The following CDKAL1 variants were observed in gnomAD, a reference collection of about 807,000 sequenced individuals.
The protein encoded by CDKAL1 is threonylcarbamoyladenosine tRNA methylthiotransferase.
CDKAL1 carries 32 observed loss-of-function variants against 68.2 expected under a neutral mutation model. That is an observed-to-expected ratio of 0.47 (90% CI 0.35 to 0.63). The LOEUF is 0.63. Among genes scored for constraint, CDKAL1 ranks in the 30% least tolerant of loss-of-function variants. The pLI, the probability that CDKAL1 is intolerant of heterozygous loss-of-function variation, is 0.00. For missense variants in CDKAL1, 606 were observed against 696.7 expected, an observed-to-expected ratio of 0.87 and a Z score of 1.47; for synonymous variants, 234 against 244.3, an observed-to-expected ratio of 0.96 and a Z score of 0.39.
intron 9 of CDKAL1, among the ~76,000 whole-genome samples, chr6:20,952,162 G>A (rs1405237791): frequency 6.6e-6 from 1 of 151,936 alleles, no homozygotes; most frequent in Non-Finnish European, 1.5e-5. Flanking sequence ...GTTTCACCGT[G>A]TTAGCCAGGA....
intron 4 of CDKAL1, among the ~76,000 whole-genome samples, chr6:20,645,655 C>T (rs1036064783): frequency 3.3e-5 from 5 of 151,514 alleles, no homozygotes; most frequent in African/African-American, 7.3e-5. Context: ...CACTTGGGCC[C>T]GGGAGGCGGA....
chr6:21,185,988 T>G (rs2151091457), intron 13 of CDKAL1, among the ~76,000 whole-genome samples: 1 of 151,392 alleles, frequency 6.6e-6, no homozygotes, highest in African/African-American at 2.4e-5. Flanking sequence ...CTCTTTCCCC[T>G]GCAGCCTGAA....
At chr6:20,932,880 C>T (rs569217825) in intron 9 of CDKAL1, among the ~76,000 whole-genome samples, 28 of 152,082 alleles carry the variant, frequency 1.8e-4, no homozygotes, top group Admixed American at 1.3e-4. Context: ...TATATGTTTG[C>T]TATGGAGCCA....
chr6:20,609,816 C>G (rs1354687521), intron 4 of CDKAL1, among the ~76,000 whole-genome samples: 1 of 151,898 alleles, frequency 6.6e-6, no homozygotes, highest in Non-Finnish European at 1.5e-5. Context: ...GGTACAAGTG[C>G]AGGTTTGTTA....
intron 4 of CDKAL1, among the ~76,000 whole-genome samples, chr6:20,570,293 G>T (rs1394893693): frequency 2.0e-5 from 3 of 148,086 alleles, no homozygotes; most frequent in Non-Finnish European, 4.5e-5. Context: ...TAGTAGAGAC[G>T]GAGTTTCACC....
chr6:21,168,833 G>C (rs184277640), intron 13 of CDKAL1, among the ~76,000 whole-genome samples: 1 of 152,156 alleles, frequency 6.6e-6, no homozygotes, highest in Admixed American at 6.5e-5. Flanking sequence ...CTTTTAATTC[G>C]CATCTATCTC....
In CDKAL1 at chr6:20,716,830, G is replaced by C. The variant is rs118083802; in HGVS notation, c.372-22689G>C. Among the ~76,000 whole-genome samples the C allele has an allele frequency of 2.4e-3, 358 of 151,928 alleles. 12 individuals carry two copies. The East Asian group carries it at 0.064, about 27-fold the overall frequency. ...TTGGGAATCATGTGCTGTAGATGGT[G>C]TGTAAATCCATGGGACTGCAGAAGA... is the stretch of plus-strand genomic sequence containing the variant. On this transcript the variant is annotated intron_variant, in intron 5 of 15. Transcript: ENST00000274695.
At chr6:21,003,369 T>TACACACACACACACACAC (rs1292656062) in intron 11 of CDKAL1, among the ~76,000 whole-genome samples, 40 of 46,604 alleles carry the variant, frequency 8.6e-4, no homozygotes, top group African/African-American at 3.2e-3. Context: ...TATATATATA[T>TACACACACACACACACAC]ATACACACAC....
chr6:20,814,258 T>C (rs1776947394), intron 8 of CDKAL1, among the ~76,000 whole-genome samples: 1 of 152,292 alleles, frequency 6.6e-6, no homozygotes, highest in Middle Eastern at 3.4e-3. Flanking sequence ...TTTTTTTTAA[T>C]GTTAACATTG....
At chr6:20,945,920 T>C (rs1237105349) in intron 9 of CDKAL1, among the ~76,000 whole-genome samples, 1 of 152,232 alleles carries the variant, frequency 6.6e-6, no homozygotes, top group Non-Finnish European at 1.5e-5. Flanking sequence ...TCTGAAAGAC[T>C]GGACAGTTAC....
chr6:20,976,311 T>C (rs183482102), intron 10 of CDKAL1, among the ~76,000 whole-genome samples: 1 of 152,324 alleles, frequency 6.6e-6, no homozygotes, highest in East Asian at 1.9e-4. Flanking sequence ...TAAAATGTAT[T>C]CTTTGTTAAG....
intron 11 of CDKAL1, among the ~76,000 whole-genome samples, chr6:21,041,602 C>CTTTTT (rs61519451): frequency 7.2e-6 from 1 of 138,052 alleles, no homozygotes; most frequent in East Asian, 2.1e-4. Flanking sequence ...CTCTGAAAAT[C>CTTTTT]TTTTTTTTTT....
intron 5 of CDKAL1, among the ~76,000 whole-genome samples, chr6:20,709,168 C>T (rs1200206469): frequency 6.6e-6 from 1 of 151,992 alleles, no homozygotes; most frequent in Non-Finnish European, 1.5e-5. Flanking sequence ...TGAGAGTTTC[C>T]CAAATTAGAT....
intron 7 of CDKAL1, among the ~76,000 whole-genome samples, chr6:20,776,149 G>C (rs1156653659): frequency 6.6e-6 from 1 of 152,184 alleles, no homozygotes. Context: ...TATTAGTGCA[G>C]GCTGCATATT....
intron 13 of CDKAL1, among the ~76,000 whole-genome samples, chr6:21,173,963 G>A (rs1490080270): frequency 6.6e-6 from 1 of 152,044 alleles, no homozygotes; most frequent in East Asian, 1.9e-4. Context: ...TTCCAGCTAC[G>A]GAAGGCTGAG....
At chr6:21,101,031 G>A (rs187453214) in intron 12 of CDKAL1, among the ~76,000 whole-genome samples, 21 of 152,244 alleles carry the variant, frequency 1.4e-4, no homozygotes, top group South Asian at 8.3e-4. Context: ...AGGTTGTACT[G>A]CAGCCACAGC....
chr6:20,774,922 T>C (rs898523159), intron 7 of CDKAL1, among the ~76,000 whole-genome samples: 1 of 152,208 alleles, frequency 6.6e-6, no homozygotes, highest in African/African-American at 2.4e-5. Context: ...GGTTGAATTG[T>C]ATCTGACACT....
chr6:20,948,575 C>G (rs1458304806), intron 9 of CDKAL1, among the ~76,000 whole-genome samples: 1 of 152,192 alleles, frequency 6.6e-6, no homozygotes, highest in Non-Finnish European at 1.5e-5. Flanking sequence ...TTGCAGGCAT[C>G]TAATGATTTT....
intron 9 of CDKAL1, among the ~76,000 whole-genome samples, chr6:20,871,901 T>C (rs1760239707): frequency 6.6e-6 from 1 of 152,176 alleles, no homozygotes; most frequent in East Asian, 1.9e-4. Context: ...AAACAATATA[T>C]ATGTCTCCTT....
Sources: gnomAD v4.1 joint callset for allele counts (sites outside exome capture counted in the v4.1 genomes callset) on GRCh38, gnomAD v4.1.1 for gene constraint, MANE v1.5 for transcripts, NCBI Gene and HGNC (gene_info 2026-07-23, HGNC 2026-07-21) for gene names.